PAQR3: variants seen among roughly 807,000 people sequenced by gnomAD.
PAQR3 encodes the protein progestin and adipoQ receptor family member 3.
Under a neutral mutation model 41.7 loss-of-function variants are expected in PAQR3, and 39 were observed. That is an observed-to-expected ratio of 0.93 (90% confidence interval 0.72 to 1.22). The LOEUF (loss-of-function observed/expected upper bound fraction) is 1.22, where lower values mean the gene tolerates loss of function less well. Among genes scored for constraint, PAQR3 ranks in the 50% most tolerant of loss-of-function variants. The probability of loss-of-function intolerance (pLI) is 0.00; values close to 1 mark genes in which losing one functional copy is unlikely to be tolerated. For synonymous variants in PAQR3, 140 were observed against 140.6 expected (o/e 1.00, Z 0.03); for missense variants, 366 against 385.6 (o/e 0.95, Z 0.42).
rs1330788095 is a variant in PAQR3, at chr4:78,915,402, T to TAGTTTTG, written c.*5130_*5136dup. The TAGTTTTG allele has an allele frequency of 6.6e-6, 1 of 152,020 alleles. No homozygotes were observed. The highest frequency in any genetic ancestry group is 1.5e-5 in the Non-Finnish European group (1 of 67,926). 9.4% of individuals were successfully genotyped at this position (152,020 alleles called of 1,614,324 possible). ...GAAGGTACAAGTGTATTAATATCAC[T>TAGTTTTG]AGTTTTGAGGCGCTTGGGTACATTT... On this transcript the variant is annotated 3_prime_UTR_variant, in exon 6 of 6. Coordinates refer to ENST00000512733, the MANE Select transcript of PAQR3 (RefSeq NM_001040202.2).
At chr4:78,893,580 T>C (rs929689658) in intron 11 of PAQR3, among the ~76,000 whole-genome samples, 1 of 152,222 alleles carries the variant, frequency 6.6e-6, no homozygotes, top group African/African-American at 2.4e-5. Flanking sequence ...ATAAGACTTT[T>C]AAAAATGGGT....
At chr4:78,923,830 C>G in intron 5 of PAQR3, 27 bp downstream of exon 5, 1 of 1,497,644 alleles carries the variant, frequency 6.7e-7, no homozygotes, top group South Asian at 1.1e-5. Context: ...ACTAACAATA[C>G]AAAACTGCTA....
Position 78,916,750 on chromosome 4 carries a change from GAATT to G in PAQR3, c.*3785_*3788del, listed in dbSNP as rs1458817991. ...TTTAAAACTGATAACATCTTTGGCT[GAATT>G]AATACTGGTTATTTGCTTAAATAAC... On this transcript the variant is annotated 3_prime_UTR_variant, in exon 6 of 6. Transcript: ENST00000512733. The G allele has an allele frequency of 1.3e-5, 2 of 151,898 alleles. No homozygotes were observed. Among genetic ancestry groups the G allele is most frequent in the East Asian group, 3.9e-4 (2 of 5,176 alleles). The allele number at this position is 151,898 out of a possible 1,614,324, so 9.4% of individuals were successfully genotyped here. A position where few individuals can be genotyped will look rare whatever the true frequency, so the allele number is the denominator to read the frequency against.
rs772706357 is a variant in PAQR3, at chr4:78,922,450, T to A, written c.793+1407A>T. 5.4e-6 allele frequency: 7 copies of A among 1,287,576 alleles called. No homozygotes were observed. In the East Asian group the frequency reaches 1.7e-4, roughly 31 times the overall value. The allele number at this position is 1,287,576 out of a possible 1,614,324, so 79.8% of individuals were successfully genotyped here. ...AACCCAGGAAGAAGAGGGGATAAAT[T>A]TGCAGTTTAGATTTAAACTGCTCCC... On this transcript the variant is annotated intron_variant, in intron 5 of 5. Coordinates refer to ENST00000512733, the MANE Select transcript of PAQR3 (RefSeq NM_001040202.2).
intron 1 of PAQR3, among the ~76,000 whole-genome samples, chr4:78,938,836 T>A (rs1318322371): frequency 6.6e-6 from 1 of 151,842 alleles, no homozygotes; most frequent in African/African-American, 2.4e-5. Flanking sequence ...TCACTGTTAC[T>A]ATCATGATTA....
chr4:78,911,268 G>T (rs757210070), downstream of PAQR3: 1 of 1,613,986 alleles, frequency 6.2e-7, no homozygotes, highest in Non-Finnish European at 8.5e-7. Context: ...GCAAGAAGGT[G>T]AATGTACAAG....
rs13108247 is a variant in PAQR3, at chr4:78,923,853, C to A, written c.793+4G>T. 1,244,004 of 1,591,142 alleles carry A rather than the reference C, an allele frequency of 0.78. 489,017 individuals carry two copies. Among genetic ancestry groups the A allele is most frequent in the Non-Finnish European group, 0.8 (931,442 of 1,159,500 alleles). On this transcript the variant is annotated splice_donor_region_variant and intron_variant, in intron 5 of 5. Transcript: ENST00000512733. The stretch of plus-strand genomic sequence containing the variant: ...TACAAAACTGCTATAAAAGAGATAC[C>A]TACCTGGAAAGTACCGCTCTGGGAC...
At chr4:78,933,147 T>C (rs2110166868) in intron 2 of PAQR3, 1 of 455,992 alleles carries the variant, frequency 2.2e-6, no homozygotes, top group African/African-American at 2.0e-5. Context: ...TGCCTCACTG[T>C]CTCTTCTGCA....
downstream of PAQR3, chr4:78,887,114 A>C: frequency 8.2e-7 from 1 of 1,223,890 alleles, no homozygotes; most frequent in South Asian, 1.4e-5. Flanking sequence ...ATCACTTTTT[A>C]ATTTAAAGAT....
At chr4:78,904,448 A>C (rs1734186149) in intron 11 of PAQR3, among the ~76,000 whole-genome samples, 1 of 151,936 alleles carries the variant, frequency 6.6e-6, no homozygotes, top group African/African-American at 2.4e-5. Flanking sequence ...CATTGCTCAG[A>C]CATTTTTTGC....
chr4:78,902,563 C>T lies in PAQR3; in HGVS notation c.*836+3545G>A, dbSNP rs536478248. On this transcript the variant is annotated intron_variant and NMD_transcript_variant, in intron 11 of 12. Transcript: ENST00000342820. ...AACTTTGAAGTCTTATAGCCCCTCC[C>T]GTACACCCTCAATGATGAGACAACA... 3.9e-5 allele frequency among the ~76,000 whole-genome samples: 6 copies of T among 152,222 alleles called. No individual in the cohort carries two copies. In the South Asian group the frequency reaches 6.2e-4, roughly 16 times the overall value.
intron 5 of PAQR3, chr4:78,922,745 C>CCTTA (rs1735781628): frequency 2.7e-6 from 1 of 367,076 alleles, no homozygotes; most frequent in Non-Finnish European, 5.3e-6. Context: ...CTCATCTAAT[C>CCTTA]CTTACCCTAA....
intron 11 of PAQR3, among the ~76,000 whole-genome samples, chr4:78,901,435 GAGTTA>G (rs1401340727): frequency 2.0e-5 from 3 of 152,122 alleles, no homozygotes; most frequent in Non-Finnish European, 4.4e-5. Context: ...AGGATTAAAT[GAGTTA>G]TGCTAGTTTT....
intron 11 of PAQR3, among the ~76,000 whole-genome samples, chr4:78,891,385 C>T (rs1234027991): frequency 6.6e-6 from 1 of 152,096 alleles, no homozygotes; most frequent in Non-Finnish European, 1.5e-5. Context: ...ATTCATTGTG[C>T]TGGGGACCTA....
chr4:78,894,763 A>G (rs975653158), intron 11 of PAQR3, among the ~76,000 whole-genome samples: 5 of 152,294 alleles, frequency 3.3e-5, no homozygotes, highest in African/African-American at 1.2e-4. Flanking sequence ...CTTTTGACCT[A>G]TCTCAGCTTT....
chr4:78,896,267 A>T (rs2110086822), intron 11 of PAQR3, among the ~76,000 whole-genome samples: 1 of 152,328 alleles, frequency 6.6e-6, no homozygotes, highest in South Asian at 2.1e-4. Flanking sequence ...AGTTTTTTAT[A>T]CAAATGCCTA....
rs899307453 is a variant in PAQR3 at position 78,918,698 on chromosome 4, TG to T, written c.*1840del. ...GACTGCAAAAATTGAAATGATTCAA[TG>T]TTTTTTTATTTTGAGAAAGTTTTAT... On this transcript the variant is annotated 3_prime_UTR_variant, in exon 6 of 6. Transcript: ENST00000512733. The T allele has an allele frequency of 1.7e-5, 16 of 964,672 alleles. No individual in the cohort carries two copies. Among genetic ancestry groups the T allele is most frequent in the African/African-American group, 8.8e-5 (5 of 56,818 alleles). The allele number at this position is 964,672 out of a possible 1,614,324, so 59.8% of individuals were successfully genotyped here.
At chr4:78,904,552 A>G (rs1281502357) in intron 11 of PAQR3, among the ~76,000 whole-genome samples, 1 of 151,962 alleles carries the variant, frequency 6.6e-6, no homozygotes, top group African/African-American at 2.4e-5. Flanking sequence ...TAAATTACCC[A>G]GATCTGCATT....
downstream of PAQR3, among the ~76,000 whole-genome samples, chr4:78,910,081 C>T (rs143490395): frequency 7.9e-3 from 1,203 of 152,172 alleles, 18 homozygotes; most frequent in African/African-American, 0.028. Flanking sequence ...TTGGTGAGGC[C>T]ATTCATGCTA....
Sources: gnomAD v4.1 joint callset for allele counts (sites outside exome capture counted in the v4.1 genomes callset) on GRCh38, gnomAD v4.1.1 for gene constraint, MANE v1.5 for transcripts, NCBI Gene and HGNC (gene_info 2026-07-23, HGNC 2026-07-21) for gene names.